Variants in KAZN observed in about 807,000 individuals in gnomAD.
KAZN encodes the protein kazrin.
A neutral mutation model predicts 87.4 loss-of-function variants in KAZN; 40 were observed. The observed-to-expected ratio is 0.46, with a 90% CI of 0.36 to 0.60. The LOEUF (loss-of-function observed/expected upper bound fraction) is 0.60, where lower values mean the gene tolerates loss of function less well. Ranked by LOEUF, KAZN falls within the 20% of genes least tolerant of loss-of-function variation. The probability of loss-of-function intolerance (pLI) is 0.00; values close to 1 mark genes in which losing one functional copy is unlikely to be tolerated. For missense variants in KAZN, 898 were observed against 1,073.9 expected (o/e 0.84, Z 2.29); for synonymous variants, 466 against 458.3 (o/e 1.02, Z -0.22).
chr1:14,122,179 G>A (rs1243415899), intron 1 of KAZN, among the ~76,000 whole-genome samples: 1 of 152,102 alleles, frequency 6.6e-6, no homozygotes, highest in East Asian at 1.9e-4. Flanking sequence ...CAGTGGAGGG[G>A]GTAAGAGGTG....
chr1:14,580,061 C>T (rs967084898), intron 2 of KAZN, among the ~76,000 whole-genome samples: 2 of 152,160 alleles, frequency 1.3e-5, no homozygotes, highest in Non-Finnish European at 2.9e-5. Context: ...AATCCGACAT[C>T]TTTTTTGTGG....
At chr1:14,646,959 C>A (rs146454615) in intron 1 of KAZN, among the ~76,000 whole-genome samples, 1 of 152,184 alleles carries the variant, frequency 6.6e-6, no homozygotes, top group African/African-American at 2.4e-5. Context: ...TGCTCCAGCA[C>A]GTGGATGGGG....
intron 2 of KAZN, among the ~76,000 whole-genome samples, chr1:14,428,888 A>T (rs1665891290): frequency 6.6e-6 from 1 of 152,124 alleles, no homozygotes; most frequent in South Asian, 2.1e-4. Context: ...GGGTGGGGAC[A>T]CAGCCAAACC....
chr1:14,257,984 A>G (rs1354198803), intron 2 of KAZN, among the ~76,000 whole-genome samples: 2 of 149,048 alleles, frequency 1.3e-5, no homozygotes, highest in Non-Finnish European at 3.0e-5. Context: ...AGAAAAAAAA[A>G]AAAGAAAAGA....
At chr1:14,525,622 G>T (rs1404684715) in intron 2 of KAZN, among the ~76,000 whole-genome samples, 1 of 152,160 alleles carries the variant, frequency 6.6e-6, no homozygotes, top group African/African-American at 2.4e-5. Flanking sequence ...CAGGTGACAG[G>T]CTGGATTTGG....
At chr1:14,461,769 C>T (rs1036840090) in intron 2 of KAZN, among the ~76,000 whole-genome samples, 17 of 151,954 alleles carry the variant, frequency 1.1e-4, no homozygotes, top group African/African-American at 4.1e-4. Context: ...AAGTCACCAT[C>T]CAGGTATATC....
chr1:13,941,656 A>G (rs933966016), intron 1 of KAZN, among the ~76,000 whole-genome samples: 2 of 152,120 alleles, frequency 1.3e-5, no homozygotes, highest in African/African-American at 4.8e-5. Flanking sequence ...TGTGTTTCAG[A>G]TTTTCTTTCT....
intron 1 of KAZN, among the ~76,000 whole-genome samples, chr1:14,638,588 A>G (rs948662844): frequency 6.6e-6 from 1 of 151,952 alleles, no homozygotes; most frequent in African/African-American, 2.4e-5. Context: ...ACAAAAAAAA[A>G]AAAACAAAAA....
At chr1:14,862,749 C>T (rs1303702315) in intron 1 of KAZN, among the ~76,000 whole-genome samples, 2 of 152,142 alleles carry the variant, frequency 1.3e-5, no homozygotes. Context: ...TACATTGACA[C>T]TAAGTTCTTC....
At chr1:14,559,498 T>A (rs1674125545) in intron 2 of KAZN, among the ~76,000 whole-genome samples, 1 of 152,212 alleles carries the variant, frequency 6.6e-6, no homozygotes, top group Non-Finnish European at 1.5e-5. Context: ...AACTCCTCTG[T>A]GCCACAGTTG....
At chr1:14,634,614 C>T (rs1418576977) in intron 1 of KAZN, among the ~76,000 whole-genome samples, 1 of 152,164 alleles carries the variant, frequency 6.6e-6, no homozygotes, top group East Asian at 1.9e-4. Flanking sequence ...AGCTCAGCTG[C>T]TTCCCCTACC....
At chr1:13,992,102 T>C (rs1639309817) in intron 1 of KAZN, among the ~76,000 whole-genome samples, 1 of 152,180 alleles carries the variant, frequency 6.6e-6, no homozygotes, top group Admixed American at 6.5e-5. Flanking sequence ...GGTCCCAGAC[T>C]GGATAAGTGT....
chr1:14,682,594 C>T (rs1231035458), intron 1 of KAZN, among the ~76,000 whole-genome samples: 8 of 152,030 alleles, frequency 5.3e-5, no homozygotes, highest in African/African-American at 1.9e-4. Context: ...GGCCAGAATT[C>T]CCTTCTTTTT....
intron 1 of KAZN, among the ~76,000 whole-genome samples, chr1:13,912,119 A>G (rs1459796566): frequency 6.6e-6 from 1 of 152,230 alleles, no homozygotes; most frequent in Non-Finnish European, 1.5e-5. Context: ...GGAGTAACAC[A>G]AAGACCAGTG....
rs1644956679 is a variant in KAZN, at chr1:14,769,086, C to G, written c.226+169863C>G. On this transcript the variant is annotated intron_variant, in intron 1 of 14. Transcript: ENST00000376030. The surrounding 1 kb of genome is among the most constrained non-coding windows in gnomAD (Gnocchi z 4.1). Reference sequence around the variant, plus strand: ...CAGGCAAAGAGCCCATTTGAAGGCTCAACCCTTTAGAGCTCCCTTTGCTGT... The same window carrying G: ...CAGGCAAAGAGCCCATTTGAAGGCTGAACCCTTTAGAGCTCCCTTTGCTGT... 6.6e-6 allele frequency among the ~76,000 whole-genome samples: 1 copy of G among 152,188 alleles called. No individual in the cohort carries two copies. The highest frequency in any genetic ancestry group is 1.5e-5 in the Non-Finnish European group (1 of 68,042).
intron 2 of KAZN, among the ~76,000 whole-genome samples, chr1:14,489,514 A>C (rs1472505329): frequency 1.3e-5 from 2 of 152,096 alleles, no homozygotes; most frequent in Admixed American, 6.5e-5. Context: ...CAGGCGGATC[A>C]CTTGAGGTCA....
chr1:14,971,729 T>G (rs1184192577), intron 2 of KAZN, among the ~76,000 whole-genome samples: 1 of 142,558 alleles, frequency 7.0e-6, no homozygotes, highest in East Asian at 2.3e-4. Flanking sequence ...TTGCCCAGGC[T>G]GGAATGCAGT....
At chr1:14,300,386 C>T (rs1448726580) in intron 2 of KAZN, among the ~76,000 whole-genome samples, 2 of 152,094 alleles carry the variant, frequency 1.3e-5, no homozygotes, top group South Asian at 4.1e-4. Context: ...TGCTCACTAC[C>T]ATGCCCTGCT....
intron 1 of KAZN, among the ~76,000 whole-genome samples, chr1:14,936,950 C>T (rs903029836): frequency 6.6e-6 from 1 of 152,144 alleles, no homozygotes; most frequent in East Asian, 1.9e-4. Flanking sequence ...CATGAACCAC[C>T]CTGGCTCATT....
Sources: gnomAD v4.1 joint callset for allele counts (sites outside exome capture counted in the v4.1 genomes callset) on GRCh38, gnomAD v4.1.1 for gene constraint, Gnocchi (gnomAD v3.1) non-coding constraint, MANE v1.5 for transcripts, NCBI Gene and HGNC (gene_info 2026-07-23, HGNC 2026-07-21) for gene names.